The following OTC variants were observed in gnomAD, a reference collection of about 807,000 sequenced individuals.
OTC encodes the protein ornithine transcarbamylase, also known as ornithine transcarbamylase, mitochondrial.
Under a neutral mutation model 30.3 loss-of-function variants are expected in OTC, and 3 were observed. The ratio of observed to expected loss-of-function variants is 0.10; its 90% CI spans 0.05 to 0.26. The LOEUF (loss-of-function observed/expected upper bound fraction) is 0.26. Ranked by LOEUF, OTC falls within the 10% of genes least tolerant of loss-of-function variation. The probability of loss-of-function intolerance (pLI) is 1.00; values close to 1 mark genes in which losing one functional copy is unlikely to be tolerated. For missense variants in OTC, 194 were observed against 260.3 expected (o/e 0.75, Z 1.75); for synonymous variants, 111 against 99.7 (o/e 1.11, Z -0.67).
At chrX:38,334,409 A>T in the OTC span, among the ~76,000 whole-genome samples, 1 of 111,573 alleles carries the variant, frequency 9.0e-6, no homozygotes, top group African/African-American at 3.3e-5. Context: ...ACACATCTTC[A>T]TTTATAATCA....
At chrX:38,360,027 C>T (rs763028249) in intron 1 of OTC, among the ~76,000 whole-genome samples, 30 of 107,963 alleles carry the variant, frequency 2.8e-4, no homozygotes, top group African/African-American at 3.7e-4. Flanking sequence ...CAGCGATTCT[C>T]CTGCCCCAGC....
At chrX:38,341,309 AGAT>A in the OTC span, among the ~76,000 whole-genome samples, 4 of 111,600 alleles carry the variant, frequency 3.6e-5, no homozygotes, top group African/African-American at 1.3e-4. Context: ...TACATACAGA[AGAT>A]GATATGTGAA....
In OTC at chrX:38,408,971, A is replaced by G; in HGVS notation, c.813A>G (p.Glu271=). Residue 271 remains glutamate, a synonymous_variant, in exon 8 of 10, where the codon GAA becomes GAG. Coordinates refer to ENST00000039007, the MANE Select transcript of OTC (RefSeq NM_000531.6). ...ACACTTGGATAAGCATGGGACAAGA[A>G]GAGGAGAAGAAAAAGCGGCTCCAGG... ...ITDTWISMGQ[E]EEKKKRLQAF... The G allele has an allele frequency of 8.3e-7, 1 of 1,197,693 alleles. No homozygotes were observed. The highest frequency in any genetic ancestry group is 1.1e-6 in the Non-Finnish European group (1 of 885,611).
intron 4 of OTC, among the ~76,000 whole-genome samples, chrX:38,392,046 G>A (rs910194702): frequency 9.0e-6 from 1 of 111,476 alleles, no homozygotes; most frequent in Non-Finnish European, 1.9e-5. Flanking sequence ...CTAAACAGTA[G>A]GAAAAGAGAT....
At chrX:38,328,118 A>G in the OTC span, among the ~76,000 whole-genome samples, 1 of 112,514 alleles carries the variant, frequency 8.9e-6, no homozygotes, top group South Asian at 3.7e-4. Context: ...GCCCAACATC[A>G]TTGCTCTAGA....
chrX:38,347,270 G>C, the OTC span, among the ~76,000 whole-genome samples: 1 of 112,071 alleles, frequency 8.9e-6, no homozygotes, highest in Non-Finnish European at 1.9e-5. Flanking sequence ...GTGGCAAGTG[G>C]TAGGGAGACT....
At chrX:38,354,250 T>C (rs1265504940) in intron 1 of OTC, among the ~76,000 whole-genome samples, 2 of 112,227 alleles carry the variant, frequency 1.8e-5, no homozygotes, top group Non-Finnish European at 3.8e-5. Context: ...AGTCTAGTGA[T>C]AATCAGTGAG....
intron 1 of OTC, among the ~76,000 whole-genome samples, chrX:38,359,914 CTTTTTT>C (rs57184116): frequency 4.2e-5 from 4 of 94,524 alleles, no homozygotes; most frequent in African/African-American, 1.6e-4. Flanking sequence ...TTCTTTCTTT[CTTTTTT>C]TTTTTTTTGT....
the OTC span, among the ~76,000 whole-genome samples, chrX:38,345,636 G>A: frequency 8.2e-5 from 9 of 109,823 alleles, no homozygotes; most frequent in South Asian, 1.2e-3. Flanking sequence ...CGCCTCCTGG[G>A]TTCCAGTGAT....
chrX:38,367,004 C>A (rs1396037143), intron 1 of OTC, among the ~76,000 whole-genome samples: 1 of 109,939 alleles, frequency 9.1e-6, no homozygotes, highest in Non-Finnish European at 1.9e-5. Flanking sequence ...ATGGAGAAAC[C>A]CCGTCTCTAG....
upstream of OTC, among the ~76,000 whole-genome samples, chrX:38,347,867 C>T (rs1460944932): frequency 8.9e-6 from 1 of 111,875 alleles, no homozygotes; most frequent in African/African-American, 3.3e-5. Context: ...ACATCATTCT[C>T]ATCATTCTTT....
rs73476005 is a variant in OTC, at chrX:38,414,667, G to A, written c.1005+2668G>A. On this transcript the variant is annotated intron_variant, in intron 9 of 9. Coordinates refer to ENST00000039007, the MANE Select transcript of OTC (RefSeq NM_000531.6). ...ATTGAGCCATAGAGATGGCAAATGA[G>A]TTTTAATTCTTAGATCCCTAATCTC... Among the ~76,000 whole-genome samples the A allele has an allele frequency of 3.0e-3, 340 of 111,916 alleles. 3 individuals carry two copies. Among genetic ancestry groups the A allele is most frequent in the African/African-American group, 0.01 (311 of 30,816 alleles).
chrX:38,411,949 C>T lies in OTC; in HGVS notation c.955C>T (p.Pro319Ser), dbSNP rs372070932. ...AGTGGATGATGAAGTCTTTTATTCT[C>T]CTCGATCACTAGTGTTCCCAGAGGC... ...EEVDDEVFYS[P>S]RSLVFPEAEN... Residue 319 changes from proline (P) to serine (S), a missense_variant, in exon 9 of 10, where the codon CCT (proline) becomes TCT (serine). Pro to Ser is a moderately conservative substitution (Grantham distance 74). Coordinates refer to ENST00000039007, the MANE Select transcript of OTC (RefSeq NM_000531.6). 2.5e-6 allele frequency: 3 copies of T among 1,207,583 alleles called. No individual in the cohort carries two copies. The highest frequency in any genetic ancestry group is 3.5e-5 in the South Asian group (2 of 56,766).
chrX:38,373,604 G>A (rs902584456), intron 3 of OTC: 3 of 112,421 alleles, frequency 2.7e-5, no homozygotes, highest in African/African-American at 9.7e-5. Flanking sequence ...AGGTGAAATA[G>A]AAACTGGTGT....
intron 3 of OTC, among the ~76,000 whole-genome samples, chrX:38,370,236 A>G (rs2068317100): frequency 8.9e-6 from 1 of 112,259 alleles, no homozygotes; most frequent in Admixed American, 9.4e-5. Context: ...GTGTGTCTCA[A>G]TTCTGCTAGA....
chrX:38,413,497 C>T (rs1353046425), intron 9 of OTC, among the ~76,000 whole-genome samples: 2 of 110,586 alleles, frequency 1.8e-5, no homozygotes, highest in Non-Finnish European at 3.8e-5. Context: ...CTGCATCTTT[C>T]CAGCTTGCCA....
the OTC span, among the ~76,000 whole-genome samples, chrX:38,333,082 G>A: frequency 2.7e-5 from 3 of 109,272 alleles, no homozygotes; most frequent in Non-Finnish European, 5.7e-5. Context: ...AGGCGTGGTG[G>A]TGGGTGCCTG....
At chrX:38,378,602 C>T (rs964873704) in intron 3 of OTC, among the ~76,000 whole-genome samples, 1 of 111,768 alleles carries the variant, frequency 8.9e-6, no homozygotes, top group East Asian at 2.8e-4. Context: ...ATCTTGTTTA[C>T]AATGCTTTCT....
At position 38,421,341 on chromosome X, in the gene OTC, C is replaced by A. The variant is rs2068594736; in HGVS notation, c.*259C>A. ...TACATTTAGATATCATATTAATTAT[C>A]ATATACATTTACTTCAACATAAAAT... On this transcript the variant is annotated 3_prime_UTR_variant, in exon 10 of 10. Transcript: ENST00000039007. 2 of 336,436 alleles carry A rather than the reference C, an allele frequency of 5.9e-6. No homozygotes were observed. The highest frequency in any genetic ancestry group is 4.7e-5 in the Admixed American group (1 of 21,141). The allele number at this position is 336,436 out of a possible 1,213,427, so 27.7% of individuals were successfully genotyped here.
Sources: allele counts gnomAD v4.1 joint callset (sites outside exome capture counted in the v4.1 genomes callset), GRCh38; gene constraint gnomAD v4.1.1; transcripts MANE v1.5; gene names NCBI Gene and HGNC (gene_info 2026-07-23, HGNC 2026-07-21).